The following FANCA variants were observed in gnomAD, a reference collection of about 807,000 sequenced individuals.
FANCA encodes FA complementation group A, also known as Fanconi anemia group A protein.
Under a neutral mutation model 194.3 loss-of-function variants are expected in FANCA, and 236 were observed. The ratio of observed to expected loss-of-function variants is 1.21; its 90% CI spans 1.09 to 1.35. FANCA has a LOEUF of 1.35. FANCA is among the 40% of genes most tolerant of loss of function. FANCA has a pLI of 0.00. For missense variants in FANCA, 2,628 were observed against 1,813.9 expected, an observed-to-expected ratio of 1.45 and a Z score of -8.15; for synonymous variants, 1,014 against 715.8, an observed-to-expected ratio of 1.42 and a Z score of -6.65.
intron 36 of FANCA, chr16:89,744,594 C>CGGTGG: frequency 2.8e-6 from 1 of 355,828 alleles, no homozygotes; most frequent in Non-Finnish European, 5.5e-6. Flanking sequence ...AAAGGAATCA[C>CGGTGG]TCGAGCTCCT....
At position 89,771,849 on chromosome 16, in the gene FANCA, A is replaced by C. The variant is rs1391982086; in HGVS notation, c.2015-35T>G. On this transcript the variant is annotated intron_variant, in intron 22 of 42. Coordinates refer to ENST00000389301, the MANE Select transcript of FANCA (RefSeq NM_000135.4). ...AAGAAACTAGTTAGGGATGACAAGA[A>C]CCCCGAAAGGAGGGATACAGCTGCG... The C allele has an allele frequency of 3.1e-6, 5 of 1,612,374 alleles. No individual in the cohort carries two copies. The African/African-American group carries it at 5.3e-5, about 17-fold the overall frequency.
At chr16:89,812,661 A>AAAC (rs1278747461) in intron 3 of FANCA, among the ~76,000 whole-genome samples, 14 of 150,816 alleles carry the variant, frequency 9.3e-5, no homozygotes, top group African/African-American at 3.2e-4. Context: ...AAAAAAAAAA[A>AAAC]AAAAAAAAAC....
chr16:89,814,489 T>C, intron 3 of FANCA, 31 bp downstream of exon 3: 1 of 1,503,650 alleles, frequency 6.7e-7, no homozygotes, highest in Non-Finnish European at 9.3e-7. Flanking sequence ...CTTCTGCAAT[T>C]CAAAATAGAG....
chr16:89,781,679 A>AG (rs2039712423), intron 17 of FANCA, among the ~76,000 whole-genome samples: 1 of 149,314 alleles, frequency 6.7e-6, no homozygotes, highest in Non-Finnish European at 1.5e-5. Context: ...CCGTCTCAAA[A>AG]AAAAAAAAAA....
At chr16:89,794,039 T>C (rs887200375) in intron 11 of FANCA, among the ~76,000 whole-genome samples, 9 of 151,998 alleles carry the variant, frequency 5.9e-5, no homozygotes, top group Non-Finnish European at 7.4e-5. Context: ...CGTGAGCCAC[T>C]GCTCCTGGCC....
chr16:89,752,701 G>C (rs1352562048), intron 30 of FANCA, among the ~76,000 whole-genome samples: 3 of 152,216 alleles, frequency 2.0e-5, no homozygotes, highest in African/African-American at 7.2e-5. Flanking sequence ...GATATACTGA[G>C]GTGTGACCAG....
intron 22 of FANCA, among the ~76,000 whole-genome samples, chr16:89,772,806 G>A (rs1351457907): frequency 1.4e-5 from 2 of 142,516 alleles, no homozygotes; most frequent in South Asian, 4.8e-4. Flanking sequence ...GGGACAGAGT[G>A]AGACTCTGTC....
chr16:89,814,216 G>A (rs997723408), intron 3 of FANCA, among the ~76,000 whole-genome samples: 108 of 152,304 alleles, frequency 7.1e-4, no homozygotes, highest in African/African-American at 2.4e-3. Context: ...ACCACAGCCT[G>A]TCTCACTACT....
At chr16:89,759,939 G>A (rs2038895013) in intron 29 of FANCA, among the ~76,000 whole-genome samples, 1 of 151,808 alleles carries the variant, frequency 6.6e-6, no homozygotes, top group Non-Finnish European at 1.5e-5. Flanking sequence ...CGGGACCTGG[G>A]TGCTCCACCC....
chr16:89,760,222 G>T (rs3819574), intron 29 of FANCA, among the ~76,000 whole-genome samples: 1 of 152,230 alleles, frequency 6.6e-6, no homozygotes, highest in African/African-American at 2.4e-5. Flanking sequence ...GAGAGCAGCC[G>T]GGAGGAGAAA....
At chr16:89,760,720 C>G (rs1280932468) in intron 29 of FANCA, among the ~76,000 whole-genome samples, 2 of 152,150 alleles carry the variant, frequency 1.3e-5, no homozygotes, top group African/African-American at 2.4e-5. Flanking sequence ...TTCATTTACC[C>G]ACTTCTTGGT....
intron 14 of FANCA, among the ~76,000 whole-genome samples, chr16:89,790,862 T>C (rs1367219060): frequency 6.6e-6 from 1 of 151,922 alleles, no homozygotes; most frequent in Admixed American, 6.6e-5. Flanking sequence ...TGGAGTCTCC[T>C]TCTGTCACCC....
chr16:89,749,762 A>G lies in FANCA; in HGVS notation c.3207T>C (p.Leu1069=), dbSNP rs2143138181. 6.2e-7 allele frequency: 1 copy of G among 1,614,208 alleles called. No individual in the cohort carries two copies. The highest frequency in any genetic ancestry group is 1.1e-5 in the South Asian group (1 of 91,076). ...ACATTAGCAGCTCCCTCTGTCTCTG[A>G]AGGCTGGCAGCCACGCTCCACCCGC... ...LTSGWSVAAS[L]QRQRELLMYK... Residue 1069 remains leucine, a synonymous_variant, in exon 32 of 43, where the codon CTT becomes CTC. Coordinates refer to ENST00000389301, the MANE Select transcript of FANCA (RefSeq NM_000135.4).
At chr16:89,768,683 A>AAC (rs1252750686) in intron 26 of FANCA, among the ~76,000 whole-genome samples, 4 of 151,398 alleles carry the variant, frequency 2.6e-5, no homozygotes, top group African/African-American at 7.3e-5. Flanking sequence ...CCAAAAAACA[A>AAC]AAAAAAAAAC....
At chr16:89,765,175 C>G in intron 27 of FANCA, 109 bp from the exon 28 acceptor site, 2 of 1,305,614 alleles carry the variant, frequency 1.5e-6, no homozygotes, top group South Asian at 2.5e-5. Flanking sequence ...ACACACAACC[C>G]CACATTCAGA....
Position 89,746,566 on chromosome 16 carries a change from A to T in FANCA, c.3513+18T>A. 6.2e-7 allele frequency: 1 copy of T among 1,608,946 alleles called. No individual in the cohort carries two copies. Among genetic ancestry groups the T allele is most frequent in the Non-Finnish European group, 8.5e-7 (1 of 1,175,438 alleles). On this transcript the variant is annotated intron_variant, in intron 35 of 42. Transcript: ENST00000389301. The stretch of plus-strand genomic sequence containing the variant: ...ACTCATCCCCAAAACAAAACACCAA[A>T]CAAGACAGCTGACCCACCAGAGCAG...
intron 41 of FANCA, 41 bp downstream of exon 41, chr16:89,739,092 G>C (rs769505201): frequency 1.5e-5 from 24 of 1,613,732 alleles, no homozygotes; most frequent in African/African-American, 4.0e-5. Context: ...CCTCCGGCTG[G>C]GGGGAGCTCC....
At position 89,761,941 on chromosome 16, in the gene FANCA, A is replaced by G. The variant is rs763249422; in HGVS notation, c.2852+8T>C. The G allele has an allele frequency of 9.3e-6, 15 of 1,612,732 alleles. No individual in the cohort carries two copies. The highest frequency in any genetic ancestry group is 5.5e-5 in the South Asian group (5 of 91,072). Reference sequence around the variant, plus strand: ...TGCCTGGCCAGGGTAGCTCTTTTCAACACTTACCGTTCAGTATCTGAAAGA... The same window carrying G: ...TGCCTGGCCAGGGTAGCTCTTTTCAGCACTTACCGTTCAGTATCTGAAAGA... On this transcript the variant is annotated splice_region_variant and intron_variant, in intron 29 of 42. Transcript: ENST00000389301.
At position 89,765,085 on chromosome 16, in the gene FANCA, C is replaced by T. The variant is rs17233225; in HGVS notation, c.2602-19G>A. 2.1e-5 allele frequency: 34 copies of T among 1,613,578 alleles called. No individual in the cohort carries two copies. The highest frequency in any genetic ancestry group is 1.5e-4 in the Admixed American group (9 of 60,014). On this transcript the variant is annotated intron_variant, in intron 27 of 42. Coordinates refer to ENST00000389301, the MANE Select transcript of FANCA (RefSeq NM_000135.4). ...ACTGAAACTGAAACAGAGAGTGACC[C>T]GGCCGTTTCTTCATTGCGCAAGTTT...
Sources: gnomAD v4.1 joint callset for allele counts (sites outside exome capture counted in the v4.1 genomes callset) on GRCh38, gnomAD v4.1.1 for gene constraint, MANE v1.5 for transcripts, NCBI Gene and HGNC (gene_info 2026-07-23, HGNC 2026-07-21) for gene names.